FMN1: variants seen among roughly 807,000 people sequenced by gnomAD.
The protein encoded by FMN1 is formin-1.
In FMN1, 110 loss-of-function variants were observed where a neutral mutation model predicts 132.4. That is an observed-to-expected ratio of 0.83 (90% CI 0.71 to 0.97). The LOEUF (loss-of-function observed/expected upper bound fraction) is 0.97. FMN1 is among the 50% of genes least tolerant of loss of function. The pLI is 0.00. For synonymous variants in FMN1, 722 were observed against 651.7 expected, an observed-to-expected ratio of 1.11 and a Z score of -1.64; for missense variants, 1,792 against 1,705.3, an observed-to-expected ratio of 1.05 and a Z score of -0.90.
intron 6 of FMN1, among the ~76,000 whole-genome samples, chr15:33,025,916 T>C (rs971509716): frequency 6.6e-5 from 10 of 152,164 alleles, no homozygotes; most frequent in African/African-American, 2.4e-4. Flanking sequence ...ATGCACACCA[T>C]TACCCACATT....
At chr15:32,981,554 T>TTATTA (rs1210348930) in intron 7 of FMN1, among the ~76,000 whole-genome samples, 142 of 147,440 alleles carry the variant, frequency 9.6e-4, no homozygotes, top group African/African-American at 3.4e-3. Context: ...ATTATTATTA[T>TTATTA]TATTATTATT....
intron 6 of FMN1, among the ~76,000 whole-genome samples, chr15:33,052,093 G>A (rs34272033): frequency 0.14 from 20,923 of 152,192 alleles, 1,611 homozygotes; most frequent in Middle Eastern, 0.22. Context: ...ATTAGCAAAT[G>A]TGATAACCTT....
intron 5 of FMN1, 30 bp from the exon 6 acceptor site, chr15:33,065,104 G>C: frequency 6.7e-7 from 1 of 1,490,076 alleles, no homozygotes; most frequent in Admixed American, 1.8e-5. Flanking sequence ...ATAGTAAGTG[G>C]AATGTAGTCA....
intron 6 of FMN1, among the ~76,000 whole-genome samples, chr15:33,028,621 G>C (rs2035793194): frequency 6.6e-6 from 1 of 152,166 alleles, no homozygotes; most frequent in Admixed American, 6.5e-5. Context: ...TAATCTGTGA[G>C]ATCATTTTTG....
At chr15:33,012,557 T>C (rs1314048293) in intron 6 of FMN1, 7 of 1,521,150 alleles carry the variant, frequency 4.6e-6, no homozygotes, top group Middle Eastern at 2.3e-4. Context: ...AAAAGGGGCT[T>C]TGCCTTTGTA....
intron 4 of FMN1, among the ~76,000 whole-genome samples, chr15:33,125,282 T>C (rs905162152): frequency 1.3e-5 from 2 of 152,166 alleles, no homozygotes; most frequent in African/African-American, 4.8e-5. Flanking sequence ...TTAGAGATAA[T>C]ACATAGAAAG....
Position 33,124,087 on chromosome 15 carries a change from A to G in FMN1, c.1867+28961T>C, listed in dbSNP as rs554533418. Reference sequence around the variant, plus strand: ...ATGTGCCCGTCCATAAACAGATCACAGTGACCAGGTGACGTGAATTATCAT... The same window carrying G: ...ATGTGCCCGTCCATAAACAGATCACGGTGACCAGGTGACGTGAATTATCAT... On this transcript the variant is annotated intron_variant, in intron 4 of 20. Coordinates refer to ENST00000616417, the MANE Select transcript of FMN1 (RefSeq NM_001277313.2). Among the ~76,000 whole-genome samples, 349 of 152,350 alleles carry G rather than the reference A, an allele frequency of 2.3e-3. 3 individuals carry two copies. The highest frequency in any genetic ancestry group is 4.2e-3 in the Non-Finnish European group (283 of 68,038).
intron 2 of FMN1, among the ~76,000 whole-genome samples, chr15:33,185,792 G>A (rs1475555570): frequency 1.3e-5 from 2 of 151,728 alleles, no homozygotes; most frequent in African/African-American, 2.4e-5. Context: ...GGCTGGTCTC[G>A]AACTCCTGAC....
chr15:32,984,851 A>G (rs891965998), intron 7 of FMN1, among the ~76,000 whole-genome samples: 4 of 152,098 alleles, frequency 2.6e-5, no homozygotes, highest in Non-Finnish European at 5.9e-5. Context: ...TGTACAAGAC[A>G]CACTGAAGTT....
chr15:32,776,250 G>A (rs1042394527), intron 20 of FMN1, among the ~76,000 whole-genome samples: 6 of 152,190 alleles, frequency 3.9e-5, no homozygotes, highest in African/African-American at 1.4e-4. Context: ...GTAACACCTA[G>A]GTGGAGATTC....
At chr15:32,964,447 A>C (rs2030985376) in intron 8 of FMN1, among the ~76,000 whole-genome samples, 190 bp from the exon 9 acceptor site, 1 of 152,204 alleles carries the variant, frequency 6.6e-6, no homozygotes, top group South Asian at 2.1e-4. Context: ...AGAACATTAA[A>C]ACACACACAG....
intron 3 of FMN1, among the ~76,000 whole-genome samples, chr15:33,179,740 G>T (rs1965632131): frequency 6.6e-6 from 1 of 152,210 alleles, no homozygotes; most frequent in South Asian, 2.1e-4. Context: ...TCTGTCCATT[G>T]AGTGAATCAC....
intron 19 of FMN1, among the ~76,000 whole-genome samples, chr15:32,785,218 A>ATTTTTTTTTTTTTTT (rs1230723314): frequency 1.3e-4 from 5 of 39,208 alleles, no homozygotes; most frequent in Admixed American, 3.4e-4. Flanking sequence ...ATATATATAT[A>ATTTTTTTTTTTTTTT]TTTTTTTTTT....
At position 32,765,697 on chromosome 15, in the gene FMN1, G is replaced by A. The variant is rs985410307; in HGVS notation, c.*8613C>T. Reference sequence around the variant, plus strand: ...TAGGATAAATATAATCTATCACAGAGATAGAATTTTTTGAATAGACAATTG... The same window carrying A: ...TAGGATAAATATAATCTATCACAGAAATAGAATTTTTTGAATAGACAATTG... On this transcript the variant is annotated 3_prime_UTR_variant, in exon 21 of 21. Coordinates refer to ENST00000616417, the MANE Select transcript of FMN1 (RefSeq NM_001277313.2). 1 of 152,074 alleles carries A rather than the reference G, an allele frequency of 6.6e-6. No homozygotes were observed. The highest frequency in any genetic ancestry group is 1.5e-5 in the Non-Finnish European group (1 of 68,014). 9.4% of individuals were successfully genotyped at this position (152,074 alleles called of 1,614,324 possible).
chr15:33,062,450 T>A lies in FMN1; in HGVS notation c.2161+2507A>T, dbSNP rs1358879022. 5.3e-5 allele frequency among the ~76,000 whole-genome samples: 8 copies of A among 151,932 alleles called. No homozygotes were observed. In the South Asian group the frequency reaches 1.7e-3, roughly 32 times the overall value. On this transcript the variant is annotated intron_variant, in intron 6 of 20. Transcript: ENST00000616417. ...TCCTGGCCAACACGGTGAAACCCCGTCTCTACTAAAAATGCAAAAAAAATA... is the reference window on the plus strand; with the variant it reads ...TCCTGGCCAACACGGTGAAACCCCGACTCTACTAAAAATGCAAAAAAAATA...
intron 4 of FMN1, chr15:33,150,261 G>A: frequency 1.0e-6 from 1 of 985,454 alleles, no homozygotes; most frequent in Non-Finnish European, 1.2e-6. Flanking sequence ...CTGCTTTGCA[G>A]GCTAGCACAA....
chr15:33,181,110 A>G (rs16966275), intron 2 of FMN1, among the ~76,000 whole-genome samples: 21,568 of 152,016 alleles, frequency 0.14, 2,956 homozygotes, highest in African/African-American at 0.36. Context: ...CCGTGTGGTC[A>G]GGCCCCTGTT....
At chr15:32,925,336 C>T (rs347951) in intron 10 of FMN1, among the ~76,000 whole-genome samples, 61,922 of 152,020 alleles carry the variant, frequency 0.41, 12,870 homozygotes, top group African/African-American at 0.47. Context: ...AAATATTATG[C>T]ACTTCTTGAT....
intron 19 of FMN1, among the ~76,000 whole-genome samples, chr15:32,789,547 T>C (rs570798501): frequency 6.6e-6 from 1 of 152,330 alleles, no homozygotes; most frequent in Non-Finnish European, 1.5e-5. Context: ...AGCTCAAAAA[T>C]TCCTATTGCC....
Sources: allele counts gnomAD v4.1 joint callset (sites outside exome capture counted in the v4.1 genomes callset), GRCh38; gene constraint gnomAD v4.1.1; transcripts MANE v1.5; gene names NCBI Gene and HGNC (gene_info 2026-07-23, HGNC 2026-07-21).